The following SPTSSB variants were observed in gnomAD, a reference collection of about 807,000 sequenced individuals.
The protein encoded by SPTSSB is androgen down regulated in mouse prostate.
A neutral mutation model predicts 7.7 loss-of-function variants in SPTSSB; 6 were observed. The ratio of observed to expected loss-of-function variants is 0.78; its 90% confidence interval spans 0.43 to 1.54. SPTSSB has a LOEUF of 1.54. Among genes scored for constraint, SPTSSB ranks in the 40% most tolerant of loss-of-function variants. SPTSSB has a pLI of 0.01. For missense variants in SPTSSB, 91 were observed against 93.0 expected (o/e 0.98, Z 0.09); for synonymous variants, 28 against 29.7 (o/e 0.94, Z 0.19).
chr3:161,345,060 G>A lies in SPTSSB; in HGVS notation c.*1033C>T, dbSNP rs7610985. 43,360 of 152,416 alleles carry A rather than the reference G, an allele frequency of 0.28. 6,839 individuals are homozygous for A. Among genetic ancestry groups the A allele is most frequent in the East Asian group, 0.54 (2,808 of 5,176 alleles). The allele number at this position is 152,416 out of a possible 1,614,324, so 9.4% of individuals were successfully genotyped here. A position where few individuals can be genotyped will look rare whatever the true frequency, so the allele number is the denominator to read the frequency against. ...TGGGAGGAAAGCAAAACTGCAAAAC[G>A]TAGTCTTTGGCATTCACATTTGCTT... On this transcript the variant is annotated 3_prime_UTR_variant, in exon 3 of 3. Transcript: ENST00000620149.
At chr3:161,350,061 A>G (rs556310143) in intron 2 of SPTSSB, among the ~76,000 whole-genome samples, 7 of 152,288 alleles carry the variant, frequency 4.6e-5, no homozygotes, top group South Asian at 2.1e-4. Flanking sequence ...AAAAAACCAC[A>G]TGTGGTAACA....
At chr3:161,367,282 A>G (rs1226793230) in intron 1 of SPTSSB, among the ~76,000 whole-genome samples, 1 of 152,266 alleles carries the variant, frequency 6.6e-6, no homozygotes, top group Non-Finnish European at 1.5e-5. Context: ...GACTTCTACA[A>G]AAGCTTTCAT....
intron 1 of SPTSSB, among the ~76,000 whole-genome samples, chr3:161,361,776 C>T (rs1415515391): frequency 6.6e-6 from 1 of 152,062 alleles, no homozygotes; most frequent in African/African-American, 2.4e-5. Flanking sequence ...GGTGATTCTA[C>T]TGAATCCTTC....
intron 1 of SPTSSB, among the ~76,000 whole-genome samples, chr3:161,363,701 A>G (rs961715456): frequency 2.0e-5 from 3 of 152,146 alleles, no homozygotes; most frequent in Non-Finnish European, 4.4e-5. Context: ...TAGTCAAAGT[A>G]TGTATTTAAT....
At chr3:161,353,011 C>CTTGAAG (rs1714613377) in intron 2 of SPTSSB, among the ~76,000 whole-genome samples, 2 of 152,086 alleles carry the variant, frequency 1.3e-5, no homozygotes. Context: ...AGGATGGGAA[C>CTTGAAG]ACCTGGACAC....
Position 161,356,559 on chromosome 3 carries a change from G to A in SPTSSB, c.-33+3243C>T, listed in dbSNP as rs1043241438. On this transcript the variant is annotated intron_variant, in intron 2 of 2. Coordinates refer to ENST00000620149, the MANE Select transcript of SPTSSB (RefSeq NM_001040100.2). ...TAGTGTTTTCTAATACTAATTGTCT[G>A]TTTTCTTTTCACTTTTTTGGGTAAT... Among the ~76,000 whole-genome samples the A allele has an allele frequency of 4.2e-4, 64 of 152,070 alleles. 1 individual carries two copies. Among genetic ancestry groups the A allele is most frequent in the Non-Finnish European group, 1.3e-4 (9 of 67,986 alleles).
intron 1 of SPTSSB, among the ~76,000 whole-genome samples, chr3:161,369,346 T>C (rs1275312465): frequency 3.9e-5 from 4 of 102,432 alleles, no homozygotes; most frequent in African/African-American, 1.6e-4. Context: ...CTTTCTTTCT[T>C]TCTTTCTCTT....
chr3:161,348,313 A>T (rs971236845), intron 2 of SPTSSB, among the ~76,000 whole-genome samples: 5 of 23,052 alleles, frequency 2.2e-4, no homozygotes, highest in African/African-American at 1.1e-3. Flanking sequence ...ACTCTAAATT[A>T]AAAAAAATGC....
At chr3:161,363,997 C>A (rs336584) in intron 1 of SPTSSB, among the ~76,000 whole-genome samples, 13,226 of 152,092 alleles carry the variant, frequency 0.087, 702 homozygotes, top group East Asian at 0.24. Context: ...TAATTCAGTG[C>A]TATTACTATC....
At chr3:161,361,531 G>T (rs908028391) in intron 1 of SPTSSB, among the ~76,000 whole-genome samples, 1 of 152,134 alleles carries the variant, frequency 6.6e-6, no homozygotes, top group Non-Finnish European at 1.5e-5. Flanking sequence ...GCTATTGCAT[G>T]GTATTTGGAT....
chr3:161,366,673 T>G (rs1469720044), intron 1 of SPTSSB, among the ~76,000 whole-genome samples: 1 of 152,212 alleles, frequency 6.6e-6, no homozygotes, highest in Non-Finnish European at 1.5e-5. Flanking sequence ...ATTTACTTAT[T>G]ATTATTAATG....
At chr3:161,359,402 C>T (rs1024312717) in intron 2 of SPTSSB, 2 of 152,126 alleles carry the variant, frequency 1.3e-5, no homozygotes, top group African/African-American at 4.8e-5. Context: ...AACCAGTAGA[C>T]CCATAAATAA....
chr3:161,352,098 A>G (rs1196758518), intron 2 of SPTSSB, among the ~76,000 whole-genome samples: 3 of 152,210 alleles, frequency 2.0e-5, no homozygotes, highest in Non-Finnish European at 4.4e-5. Flanking sequence ...AGTCTTCTAA[A>G]CTGCTGCTAG....
rs141913147 is a variant in SPTSSB, at chr3:161,366,518, C to T, written c.-126+4917G>A. ...AACTGGGAGCTGGTAGTCCTTTTGG[C>T]GAGTTACAGTGGCCAGGTTTGTATG... On this transcript the variant is annotated intron_variant, in intron 1 of 2. Transcript: ENST00000620149. Among the ~76,000 whole-genome samples, 9 of 152,052 alleles carry T rather than the reference C, an allele frequency of 5.9e-5. No individual in the cohort carries two copies. The East Asian group carries it at 1.5e-3, about 26-fold the overall frequency.
At chr3:161,367,051 C>G (rs1013356307) in intron 1 of SPTSSB, among the ~76,000 whole-genome samples, 5 of 152,162 alleles carry the variant, frequency 3.3e-5, no homozygotes, top group Admixed American at 1.3e-4. Flanking sequence ...GTGGCAGACG[C>G]CTGTAATCCC....
chr3:161,346,087 A>G lies in SPTSSB; in HGVS notation c.*6T>C. The G allele has an allele frequency of 7.1e-7, 1 of 1,412,032 alleles. No homozygotes were observed. The highest frequency in any genetic ancestry group is 1.7e-5 in the Admixed American group (1 of 59,738). 87.5% of individuals were successfully genotyped at this position (1,412,032 alleles called of 1,614,324 possible). ...TGCAATGCCATTTCACTGAATGTGA[A>G]CAGGATCAATTAGAAATTGTACTGT... On this transcript the variant is annotated 3_prime_UTR_variant, in exon 3 of 3. Coordinates refer to ENST00000620149, the MANE Select transcript of SPTSSB (RefSeq NM_001040100.2).
intron 1 of SPTSSB, among the ~76,000 whole-genome samples, chr3:161,364,944 T>A (rs1715157887): frequency 6.6e-6 from 1 of 152,184 alleles, no homozygotes; most frequent in Non-Finnish European, 1.5e-5. Context: ...TATTCCCAAA[T>A]TCTCTTTTTA....
At chr3:161,362,329 G>GA (rs1223346593) in intron 1 of SPTSSB, among the ~76,000 whole-genome samples, 1 of 152,098 alleles carries the variant, frequency 6.6e-6, no homozygotes, top group Non-Finnish European at 1.5e-5. Flanking sequence ...TATTAAGTAA[G>GA]AATCTTCCAC....
chr3:161,346,174 A>G lies in SPTSSB; in HGVS notation c.150T>C (p.Tyr50=), dbSNP rs1319173582. ...GGCGAATGTGGATTGGAATAAAGAC[A>G]TAGGCAGTGTATACCACCATAGCAA... ...TIIAMVVYTA[Y]VFIPIHIRLA... is the part of the protein sequence containing the mutation. The change falls in exon 3 of 3, where the codon TAT becomes TAC. Residue 50 remains tyrosine, a synonymous_variant. Coordinates refer to ENST00000620149, the MANE Select transcript of SPTSSB (RefSeq NM_001040100.2). The G allele has an allele frequency of 6.2e-7, 1 of 1,612,898 alleles. No individual in the cohort carries two copies. The highest frequency in any genetic ancestry group is 1.7e-5 in the Admixed American group (1 of 60,012).
Sources: gnomAD v4.1 joint callset for allele counts (sites outside exome capture counted in the v4.1 genomes callset) on GRCh38, gnomAD v4.1.1 for gene constraint, MANE v1.5 for transcripts, NCBI Gene and HGNC (gene_info 2026-07-23, HGNC 2026-07-21) for gene names.